ZNF469: variants seen among roughly 807,000 people sequenced by gnomAD.
The protein encoded by ZNF469 is zinc finger protein 469.
In ZNF469, 1 loss-of-function variant was observed where a neutral mutation model predicts 1.0. The ratio of observed to expected loss-of-function variants is 1.00; its 90% CI spans 0.35 to 4.73. The LOEUF (loss-of-function observed/expected upper bound fraction) is 4.73. Ranked by LOEUF, ZNF469 falls within the 30% of genes most tolerant of loss-of-function variation. The probability of loss-of-function intolerance (pLI) is 0.16; values close to 1 mark genes in which losing one functional copy is unlikely to be tolerated. For missense variants in ZNF469, 6,100 were observed against 5,356.3 expected (o/e 1.14, Z -4.33); for synonymous variants, 2,703 against 2,363.4 (o/e 1.14, Z -4.17).
At chr16:88,300,396 G>A in the ZNF469 span, among the ~76,000 whole-genome samples, 8 of 152,052 alleles carry the variant, frequency 5.3e-5, no homozygotes, top group South Asian at 2.1e-4. Flanking sequence ...CCAGGTCCTC[G>A]GATATTCGAT....
At chr16:88,353,536 C>T in the ZNF469 span, among the ~76,000 whole-genome samples, 3 of 152,234 alleles carry the variant, frequency 2.0e-5, no homozygotes, top group Admixed American at 1.3e-4. Context: ...GCCAGCCTCT[C>T]GCGGCTCACT....
At chr16:88,381,153 CACACAG>C (rs2092523116), upstream of ZNF469, among the ~76,000 whole-genome samples, 1 of 147,116 alleles carries the variant, frequency 6.8e-6, no homozygotes, top group African/African-American at 2.6e-5. Context: ...CACACACTCA[CACACAG>C]ACACGCCCTC....
chr16:88,136,392 C>T, the ZNF469 span, among the ~76,000 whole-genome samples: 3 of 152,218 alleles, frequency 2.0e-5, no homozygotes, highest in African/African-American at 7.2e-5. Context: ...TGCAGCTGTC[C>T]TGAGCTTTGA....
At chr16:88,298,316 G>T in the ZNF469 span, among the ~76,000 whole-genome samples, 1 of 152,186 alleles carries the variant, frequency 6.6e-6, no homozygotes, top group African/African-American at 2.4e-5. Context: ...CGTGTTTGCT[G>T]GGGGCTCCTT....
chr16:88,346,036 G>T, the ZNF469 span, among the ~76,000 whole-genome samples: 4 of 152,316 alleles, frequency 2.6e-5, no homozygotes, highest in East Asian at 3.9e-4. Context: ...TCTGGACCGG[G>T]TCAGGCTGTG....
chr16:88,288,078 C>A, the ZNF469 span, among the ~76,000 whole-genome samples: 4 of 152,104 alleles, frequency 2.6e-5, no homozygotes, highest in African/African-American at 9.7e-5. Flanking sequence ...GTGGAGAAAC[C>A]TTTTTCCTCC....
chr16:88,222,848 C>G, the ZNF469 span, among the ~76,000 whole-genome samples: 2 of 152,322 alleles, frequency 1.3e-5, no homozygotes, highest in Non-Finnish European at 2.9e-5. Context: ...ATCCTTCCAC[C>G]TTGGCCTCCC....
the ZNF469 span, among the ~76,000 whole-genome samples, chr16:88,353,098 C>G: frequency 6.9e-3 from 1,054 of 152,252 alleles, 11 homozygotes; most frequent in African/African-American, 0.024. Flanking sequence ...GAGGGAAACC[C>G]TTAGGTGGGC....
At chr16:88,122,049 C>T in the ZNF469 span, among the ~76,000 whole-genome samples, 13 of 150,634 alleles carry the variant, frequency 8.6e-5, no homozygotes, top group Admixed American at 4.0e-4. Context: ...ACGGCCACGG[C>T]GGCCACTCTG....
chr16:88,340,954 TGCAGAGAGAGCCCGGGGCCCGGGCAAAGC>T, the ZNF469 span, among the ~76,000 whole-genome samples: 5 of 152,054 alleles, frequency 3.3e-5, no homozygotes, highest in Non-Finnish European at 7.4e-5. Context: ...GCAAGGACCC[TGCAGAGAGAGCCCGGGGCCCGGGCAAAGC>T]GGTCCAGGCT....
chr16:88,439,221 C>T lies in ZNF469; in HGVS notation c.11751C>T (p.Ala3917=), dbSNP rs780082667. ...CAGCTGTCCACGGTGCTGAACCTGC[C>T]GAGCCACACACCCACCGGACGGCCG... is the stretch of plus-strand genomic sequence containing the variant. ...RGTAVHGAEP[A]EPHTHRTAEA... is the part of the protein sequence containing the mutation. Residue 3917 remains alanine, a synonymous_variant, in exon 3 of 3, where the codon GCC becomes GCT. Transcript: ENST00000565624. The T allele has an allele frequency of 2.5e-5, 38 of 1,550,106 alleles. No homozygotes were observed. The highest frequency in any genetic ancestry group is 3.3e-4 in the Middle Eastern group (2 of 6,012).
chr16:88,145,424 G>A, the ZNF469 span, among the ~76,000 whole-genome samples: 4 of 152,162 alleles, frequency 2.6e-5, no homozygotes, highest in African/African-American at 4.8e-5. Flanking sequence ...TCAAACTCAC[G>A]CATTGGAATC....
chr16:88,229,584 T>TGTGGATGC, the ZNF469 span, among the ~76,000 whole-genome samples: 284 of 131,202 alleles, frequency 2.2e-3, 2 homozygotes, highest in Middle Eastern at 0.011. Context: ...TGCGCTGATG[T>TGTGGATGC]CACGCGTGTG....
intron 1 of ZNF469, among the ~76,000 whole-genome samples, chr16:88,423,217 GGAT>G (rs1905561390): frequency 7.3e-6 from 1 of 136,902 alleles, no homozygotes. Flanking sequence ...GTAGATGGAT[GGAT>G]GGATAGGTGG....
At chr16:88,134,885 T>C in the ZNF469 span, among the ~76,000 whole-genome samples, 1 of 152,274 alleles carries the variant, frequency 6.6e-6, no homozygotes, top group Non-Finnish European at 1.5e-5. Flanking sequence ...GCTCTTTCTA[T>C]ATGGAGGATA....
In ZNF469 at chr16:88,430,018, G is replaced by A. The variant is rs1238750641; in HGVS notation, c.2548G>A (p.Gly850Ser). The change falls in exon 3 of 3, where the codon GGC (glycine) becomes AGC (serine). Residue 850 changes from glycine (G) to serine (S), a missense_variant. Coordinates refer to ENST00000565624, the MANE Select transcript of ZNF469 (RefSeq NM_001367624.2). ...LDSLITEALN[G>S]MEYQSDNPEI... ...CAGCCTCATCACAGAGGCGCTCAAC[G>A]GCATGGAGTACCAGTCGGACAACCC... is the stretch of plus-strand genomic sequence containing the variant. 4 of 1,550,376 alleles carry A rather than the reference G, an allele frequency of 2.6e-6. No individual in the cohort carries two copies. Among genetic ancestry groups the A allele is most frequent in the Non-Finnish European group, 8.7e-7 (1 of 1,146,972 alleles).
chr16:88,167,358 C>T, the ZNF469 span, among the ~76,000 whole-genome samples: 3 of 152,256 alleles, frequency 2.0e-5, no homozygotes, highest in East Asian at 1.9e-4. Flanking sequence ...CACCATGCCC[C>T]GCTCGCAGAT....
At chr16:88,203,615 C>T in the ZNF469 span, among the ~76,000 whole-genome samples, 1,836 of 152,284 alleles carry the variant, frequency 0.012, 42 homozygotes, top group African/African-American at 0.042. Context: ...GGGGGTCTCC[C>T]GGGGATCCTT....
the ZNF469 span, among the ~76,000 whole-genome samples, chr16:88,203,466 C>T: frequency 2.0e-5 from 3 of 148,742 alleles, no homozygotes; most frequent in Non-Finnish European, 4.5e-5. Flanking sequence ...CCCGGAGCTG[C>T]GGCATCAAAA....
Sources: allele counts gnomAD v4.1 joint callset (sites outside exome capture counted in the v4.1 genomes callset), GRCh38; gene constraint gnomAD v4.1.1; transcripts MANE v1.5; gene names NCBI Gene and HGNC (gene_info 2026-07-23, HGNC 2026-07-21).